FRMD4A: variants seen among roughly 807,000 people sequenced by gnomAD.
FRMD4A encodes the protein FERM domain-containing protein 4A.
In FRMD4A, 29 loss-of-function variants were observed where a neutral mutation model predicts 129.1. The ratio of observed to expected loss-of-function variants is 0.22; its 90% CI spans 0.17 to 0.31. The LOEUF is 0.31. FRMD4A is among the 10% of genes least tolerant of loss of function. The pLI is 1.00. For synonymous variants in FRMD4A, 634 were observed against 571.6 expected, an observed-to-expected ratio of 1.11 and a Z score of -1.56; for missense variants, 1,272 against 1,375.8, an observed-to-expected ratio of 0.92 and a Z score of 1.19.
chr10:13,716,391 C>T (rs999204359), intron 12 of FRMD4A, among the ~76,000 whole-genome samples: 1 of 152,146 alleles, frequency 6.6e-6, no homozygotes, highest in Non-Finnish European at 1.5e-5. Flanking sequence ...TCCCAAATAC[C>T]CAAACAATGA....
chr10:13,799,050 T>G (rs1025155341), intron 4 of FRMD4A, among the ~76,000 whole-genome samples: 3 of 152,018 alleles, frequency 2.0e-5, no homozygotes, highest in African/African-American at 7.2e-5. Flanking sequence ...GATGGGGGGG[T>G]CCTCCTCCGA....
intron 2 of FRMD4A, among the ~76,000 whole-genome samples, chr10:13,896,147 G>A (rs1052225064): frequency 4.6e-5 from 7 of 152,172 alleles, no homozygotes; most frequent in African/African-American, 1.7e-4. Context: ...AATCCCATTT[G>A]ACCCAGCAAT....
At chr10:14,002,835 AG>A (rs1359156038) in intron 2 of FRMD4A, among the ~76,000 whole-genome samples, 1 of 152,196 alleles carries the variant, frequency 6.6e-6, no homozygotes, top group Non-Finnish European at 1.5e-5. Context: ...GGGTGGAGGG[AG>A]GAGGCAGAAA....
chr10:13,658,319 T>A (rs998583362), intron 21 of FRMD4A, among the ~76,000 whole-genome samples: 1 of 152,182 alleles, frequency 6.6e-6, no homozygotes, highest in South Asian at 2.1e-4. Flanking sequence ...GCAAATGAGA[T>A]AATTAAACAA....
At chr10:14,179,646 T>C (rs1841846450) in intron 2 of FRMD4A, among the ~76,000 whole-genome samples, 1 of 152,240 alleles carries the variant, frequency 6.6e-6, no homozygotes, top group Non-Finnish European at 1.5e-5. Flanking sequence ...CATGTCTAGG[T>C]AAGAGAAAAC....
intron 2 of FRMD4A, among the ~76,000 whole-genome samples, chr10:14,154,343 T>C (rs148470188): frequency 6.6e-6 from 1 of 152,152 alleles, no homozygotes; most frequent in Non-Finnish European, 1.5e-5. Context: ...TTTGATATCA[T>C]TGAGATTTTA....
At chr10:13,953,124 G>A (rs2095385077) in intron 2 of FRMD4A, among the ~76,000 whole-genome samples, 2 of 152,188 alleles carry the variant, frequency 1.3e-5, no homozygotes, top group Non-Finnish European at 2.9e-5. Context: ...CATATGGGAA[G>A]TACTCAAAGG....
chr10:14,063,178 C>CTTT (rs60255943), intron 2 of FRMD4A, among the ~76,000 whole-genome samples: 1 of 149,754 alleles, frequency 6.7e-6, no homozygotes. Flanking sequence ...AATAAATCTG[C>CTTT]TTTTTTTTTT....
intron 2 of FRMD4A, among the ~76,000 whole-genome samples, chr10:13,976,283 G>A (rs1470680947): frequency 6.6e-6 from 1 of 152,178 alleles, no homozygotes; most frequent in Non-Finnish European, 1.5e-5. Context: ...AAGGGAACTT[G>A]GGCTGGGAGC....
intron 2 of FRMD4A, among the ~76,000 whole-genome samples, chr10:14,007,753 G>A (rs908499600): frequency 2.6e-5 from 4 of 152,106 alleles, no homozygotes; most frequent in Non-Finnish European, 4.4e-5. Context: ...GCATTTCTCA[G>A]CAAGCACTCA....
At chr10:14,251,797 T>A (rs916388615) in intron 2 of FRMD4A, among the ~76,000 whole-genome samples, 3 of 152,100 alleles carry the variant, frequency 2.0e-5, no homozygotes, top group African/African-American at 7.2e-5. Flanking sequence ...TTACTTAACC[T>A]CCCTGTCCCT....
intron 2 of FRMD4A, among the ~76,000 whole-genome samples, chr10:14,055,244 A>G (rs78163223): frequency 0.039 from 5,897 of 152,234 alleles, 195 homozygotes; most frequent in African/African-American, 0.098. Flanking sequence ...TCCAAAGGAG[A>G]TTCAAGGAAC....
At chr10:14,081,183 G>T (rs897165894) in intron 2 of FRMD4A, among the ~76,000 whole-genome samples, 1 of 152,114 alleles carries the variant, frequency 6.6e-6, no homozygotes, top group Non-Finnish European at 1.5e-5. Flanking sequence ...TCAAGTTTTG[G>T]TCTGTACTGA....
intron 2 of FRMD4A, among the ~76,000 whole-genome samples, chr10:13,915,450 A>C (rs1048194717): frequency 6.6e-6 from 1 of 151,910 alleles, no homozygotes; most frequent in Non-Finnish European, 1.5e-5. Flanking sequence ...AGGCGGGCGG[A>C]TCACAAGGTC....
At chr10:13,747,617 A>T in intron 9 of FRMD4A, 119 bp downstream of exon 9, 2 of 594,176 alleles carry the variant, frequency 3.4e-6, no homozygotes, top group Non-Finnish European at 6.1e-6. Context: ...GGTACTTAAT[A>T]CAGCTGCAAG....
intron 2 of FRMD4A, among the ~76,000 whole-genome samples, chr10:13,915,938 GGGGGTTGGCTCA>G (rs1288663539): frequency 6.6e-6 from 1 of 152,188 alleles, no homozygotes; most frequent in African/African-American, 2.4e-5. Flanking sequence ...GCTCCAGTTG[GGGGGTTGGCTCA>G]GGCACTGTGG....
In FRMD4A at chr10:13,740,260, A is replaced by G; in HGVS notation, c.615-9T>C. The G allele has an allele frequency of 1.9e-6, 3 of 1,596,212 alleles. No individual in the cohort carries two copies. Among genetic ancestry groups the G allele is most frequent in the Non-Finnish European group, 2.6e-6 (3 of 1,163,638 alleles). On this transcript the variant is annotated splice_polypyrimidine_tract_variant and intron_variant, in intron 10 of 24. Coordinates refer to ENST00000357447, the MANE Select transcript of FRMD4A (RefSeq NM_018027.5). ...CCACGATGCTCATGTAGCTGGAATG[A>G]CAACACGAAGATACACAAACACACA...
intron 2 of FRMD4A, among the ~76,000 whole-genome samples, chr10:14,055,702 G>A (rs1227755389): frequency 6.6e-6 from 1 of 151,988 alleles, no homozygotes; most frequent in Non-Finnish European, 1.5e-5. Context: ...TTTTATTTTC[G>A]TGGGTCCATA....
chr10:13,688,164 A>C (rs1006975411), intron 15 of FRMD4A, among the ~76,000 whole-genome samples: 11 of 152,176 alleles, frequency 7.2e-5, no homozygotes, highest in Non-Finnish European at 1.3e-4. Flanking sequence ...ACAACGATAG[A>C]CTGGATTAAG....
Sources: allele counts gnomAD v4.1 joint callset (sites outside exome capture counted in the v4.1 genomes callset), GRCh38; gene constraint gnomAD v4.1.1; transcripts MANE v1.5; gene names NCBI Gene and HGNC (gene_info 2026-07-23, HGNC 2026-07-21).